The following TECPR2 variants were observed in gnomAD, a reference collection of about 807,000 sequenced individuals.
TECPR2 encodes tectonin beta-propeller repeat containing 2.
A neutral mutation model predicts 138.1 loss-of-function variants in TECPR2; 65 were observed. The ratio of observed to expected loss-of-function variants is 0.47; its 90% CI spans 0.39 to 0.58. The LOEUF is 0.58. Ranked by LOEUF, TECPR2 falls within the 20% of genes least tolerant of loss-of-function variation. The probability of loss-of-function intolerance (pLI) is 0.00; values close to 1 mark genes in which losing one functional copy is unlikely to be tolerated. For missense variants in TECPR2, 1,553 were observed against 1,824.5 expected, an observed-to-expected ratio of 0.85 and a Z score of 2.71; for synonymous variants, 746 against 749.8, an observed-to-expected ratio of 0.99 and a Z score of 0.08.
At chr14:102,403,650 T>C (rs1888559702) in intron 2 of TECPR2, among the ~76,000 whole-genome samples, 1 of 152,176 alleles carries the variant, frequency 6.6e-6, no homozygotes, top group Non-Finnish European at 1.5e-5. Flanking sequence ...AAAAATTGTT[T>C]GAACTAATAC....
rs570309067 is a variant in TECPR2, at chr14:102,502,292, C to G, written c.*4035C>G. 2.6e-5 allele frequency: 4 copies of G among 152,704 alleles called. No homozygotes were observed. In the East Asian group the frequency reaches 7.7e-4, roughly 29 times the overall value. 9.5% of individuals were successfully genotyped at this position (152,704 alleles called of 1,614,324 possible). A position where few individuals can be genotyped will look rare whatever the true frequency, so the allele number is the denominator to read the frequency against. On this transcript the variant is annotated 3_prime_UTR_variant, in exon 20 of 20. Transcript: ENST00000359520. ...TTTGTTGTAAACTTCAAACTTTTGG[C>G]AGGTTTGAAATTTTTCATAACTCCG...
rs1003899778 is a variant in TECPR2 at position 102,487,097 on chromosome 14, G to A, written c.3790-9882G>A. Among the ~76,000 whole-genome samples, 4 of 152,134 alleles carry A rather than the reference G, an allele frequency of 2.6e-5. No individual in the cohort carries two copies. In the East Asian group the frequency reaches 5.8e-4, roughly 22 times the overall value. Reference sequence around the variant, plus strand: ...AAGCTCAGCATGTGTCAGTCTTTACGGGGATTCAAGGTTAAAACAGGGAGG... The same window carrying A: ...AAGCTCAGCATGTGTCAGTCTTTACAGGGATTCAAGGTTAAAACAGGGAGG... On this transcript the variant is annotated intron_variant, in intron 17 of 19. Coordinates refer to ENST00000359520, the MANE Select transcript of TECPR2 (RefSeq NM_014844.5).
chr14:102,383,260 T>C (rs1169383404), intron 2 of TECPR2, among the ~76,000 whole-genome samples: 1 of 152,062 alleles, frequency 6.6e-6, no homozygotes, highest in African/African-American at 2.4e-5. Context: ...GCTCCTTGGG[T>C]TTTAATTCAC....
chr14:102,440,683 A>G, intron 11 of TECPR2, 74 bp downstream of exon 11: 1 of 1,521,418 alleles, frequency 6.6e-7, no homozygotes, highest in Non-Finnish European at 8.9e-7. Context: ...TTTGCTAGTA[A>G]CATGCTTACC....
At position 102,452,568 on chromosome 14, in the gene TECPR2, C is replaced by A. The variant is rs773753994; in HGVS notation, c.3581C>A (p.Thr1194Lys). The A allele has an allele frequency of 5.0e-6, 8 of 1,609,952 alleles. No homozygotes were observed. The highest frequency in any genetic ancestry group is 5.9e-6 in the Non-Finnish European group (7 of 1,178,702). Residue 1194 changes from threonine to lysine, a missense_variant, in exon 16 of 20, where the codon ACG (threonine) becomes AAG (lysine). Thr to Lys is a moderately conservative substitution (Grantham distance 78, BLOSUM62 -1). Coordinates refer to ENST00000359520, the MANE Select transcript of TECPR2 (RefSeq NM_014844.5). ...AGCCTCGGCCAGGTGTTCATCAGGA[C>A]GCTCTCCAAGAGCTGCCCCACGGGC... The part of the protein sequence containing the change: ...LDSLGQVFIR[T>K]LSKSCPTGMH...
chr14:102,388,567 G>A (rs1209483279), intron 2 of TECPR2, among the ~76,000 whole-genome samples: 3 of 151,996 alleles, frequency 2.0e-5, no homozygotes, highest in Non-Finnish European at 2.9e-5. Context: ...AGTGGCTCAC[G>A]CCTGTTAACC....
chr14:102,485,256 C>T (rs1184807403), intron 17 of TECPR2, among the ~76,000 whole-genome samples: 1 of 152,172 alleles, frequency 6.6e-6, no homozygotes, highest in East Asian at 1.9e-4. Flanking sequence ...TAAGTTGTTC[C>T]GTCAGCACAA....
Position 102,408,578 on chromosome 14 carries a change from G to A in TECPR2, c.439G>A (p.Asp147Asn). 1 of 1,613,356 alleles carries A rather than the reference G, an allele frequency of 6.2e-7. No individual in the cohort carries two copies. The highest frequency in any genetic ancestry group is 8.5e-7 in the Non-Finnish European group (1 of 1,179,838). ...TGGAATGAAATTGTTCTCTGGAGAT[G>A]ACAAAGGCAAAATTGTTTATTCTTC... ...PNGMKLFSGD[D>N]KGKIVYSSLD... The change falls in exon 4 of 20, where the codon GAC (aspartate) becomes AAC (asparagine). Residue 147 changes from aspartate (D) to asparagine (N), a missense_variant. Coordinates refer to ENST00000359520, the MANE Select transcript of TECPR2 (RefSeq NM_014844.5).
At chr14:102,491,993 C>A (rs778862652) in intron 17 of TECPR2, among the ~76,000 whole-genome samples, 1 of 152,170 alleles carries the variant, frequency 6.6e-6, no homozygotes, top group African/African-American at 2.4e-5. Context: ...GCCACATGAG[C>A]CCTGCCAGTG....
intron 2 of TECPR2, among the ~76,000 whole-genome samples, chr14:102,385,923 G>A (rs565469706): frequency 6.6e-6 from 1 of 150,760 alleles, no homozygotes; most frequent in South Asian, 2.1e-4. Context: ...GCATCAAAGT[G>A]AGACCCTGCC....
chr14:102,376,666 G>C lies in TECPR2; in HGVS notation c.-56G>C, dbSNP rs550523556. Reference sequence around the variant, plus strand: ...GTTCTGTAGCCCCCAGGTTTCCCTAGATGACAAATAAACATTCCTTTTCCT... The same window carrying C: ...GTTCTGTAGCCCCCAGGTTTCCCTACATGACAAATAAACATTCCTTTTCCT... On this transcript the variant is annotated 5_prime_UTR_variant, in exon 2 of 20. Transcript: ENST00000359520. 6.6e-5 allele frequency: 101 copies of C among 1,530,738 alleles called. No homozygotes were observed. In the African/African-American group the frequency reaches 1.3e-3, roughly 19 times the overall value. The allele number at this position is 1,530,738 out of a possible 1,614,324, so 94.8% of individuals were successfully genotyped here.
Position 102,376,701 on chromosome 14 carries a change from T to C in TECPR2, c.-21T>C, listed in dbSNP as rs752839973. 2.5e-6 allele frequency: 4 copies of C among 1,609,120 alleles called. No individual in the cohort carries two copies. The highest frequency in any genetic ancestry group is 3.4e-6 in the Non-Finnish European group (4 of 1,175,460). ...AAACATTCCTTTTCCTGCGTGAAGA[T>C]AGTCTGTGGAAACCTTGGCCATGGC... On this transcript the variant is annotated 5_prime_UTR_variant, in exon 2 of 20. Transcript: ENST00000359520.
chr14:102,395,494 G>A (rs1216427301), intron 2 of TECPR2, among the ~76,000 whole-genome samples: 1 of 152,152 alleles, frequency 6.6e-6, no homozygotes, highest in African/African-American at 2.4e-5. Flanking sequence ...TTATACATGT[G>A]CTTTTTAATA....
chr14:102,446,287 T>C (rs573604797), intron 13 of TECPR2, among the ~76,000 whole-genome samples: 1 of 152,054 alleles, frequency 6.6e-6, no homozygotes, highest in East Asian at 1.9e-4. Context: ...CAGGCTGGTC[T>C]CAAACTCCTG....
rs777015327 is a variant in TECPR2 at position 102,434,736 on chromosome 14, G to A, written c.1919G>A (p.Cys640Tyr). 3.1e-6 allele frequency: 5 copies of A among 1,613,670 alleles called. No individual in the cohort carries two copies. Among genetic ancestry groups the A allele is most frequent in the Middle Eastern group, 1.6e-4 (1 of 6,062 alleles). The change falls in exon 9 of 20, where the codon TGT (cysteine) becomes TAT (tyrosine). Residue 640 changes from cysteine to tyrosine, a missense_variant. Cys to Tyr is a radical substitution (Grantham distance 194). Transcript: ENST00000359520. ...CCCATTGGCCCCCAAAGCACTTTTT[G>A]TGAAGTCCCCCTCCTGAACTCACTC... ...IQPIGPQSTF[C>Y]EVPLLNSLTV... is the part of the protein sequence containing the mutation.
rs560333451 is a variant in TECPR2 at position 102,383,009 on chromosome 14, C to T, written c.219+6069C>T. Among the ~76,000 whole-genome samples the T allele has an allele frequency of 2.6e-5, 4 of 152,298 alleles. No individual in the cohort carries two copies. In the East Asian group the frequency reaches 5.8e-4, roughly 22 times the overall value. ...CAGACTTCAGGTGATCCATCCACCTCGGCCTCCCAAAGTGCTGGGATGACA... is the reference window on the plus strand; with the variant it reads ...CAGACTTCAGGTGATCCATCCACCTTGGCCTCCCAAAGTGCTGGGATGACA... On this transcript the variant is annotated intron_variant, in intron 2 of 19. Coordinates refer to ENST00000359520, the MANE Select transcript of TECPR2 (RefSeq NM_014844.5).
chr14:102,415,043 G>T lies in TECPR2; in HGVS notation c.638+250G>T, dbSNP rs563471204. Among the ~76,000 whole-genome samples, 2 of 152,256 alleles carry T rather than the reference G, an allele frequency of 1.3e-5. No homozygotes were observed. The highest frequency in any genetic ancestry group is 4.8e-5 in the African/African-American group (2 of 41,538). On this transcript the variant is annotated intron_variant, in intron 5 of 19. Coordinates refer to ENST00000359520, the MANE Select transcript of TECPR2 (RefSeq NM_014844.5). The surrounding 1 kb of genome is among the most constrained non-coding windows in gnomAD (Gnocchi z 4.3). Reference sequence around the variant, plus strand: ...CACACACAGCCACTCTGCCTCTCAGGGTGCCACAGTCAGCGCAGAGAAGCC... The same window carrying T: ...CACACACAGCCACTCTGCCTCTCAGTGTGCCACAGTCAGCGCAGAGAAGCC...
rs913353597 is a variant in TECPR2 at position 102,499,488 on chromosome 14, C to G, written c.*1231C>G. 3.0e-5 allele frequency: 15 copies of G among 500,578 alleles called. No homozygotes were observed. Among genetic ancestry groups the G allele is most frequent in the Non-Finnish European group, 5.4e-5 (15 of 277,268 alleles). The allele number at this position is 500,578 out of a possible 1,614,324, so 31.0% of individuals were successfully genotyped here. On this transcript the variant is annotated 3_prime_UTR_variant, in exon 20 of 20. Transcript: ENST00000359520. ...GCAGCCTCAGAGGGGCAGGCATCCCCGCACAGACTTGACTGGCAGGGCGGT... is the reference window on the plus strand; with the variant it reads ...GCAGCCTCAGAGGGGCAGGCATCCCGGCACAGACTTGACTGGCAGGGCGGT...
intron 2 of TECPR2, among the ~76,000 whole-genome samples, chr14:102,394,852 C>G (rs780704277): frequency 1.3e-5 from 2 of 152,170 alleles, no homozygotes; most frequent in African/African-American, 4.8e-5. Context: ...GCCCTCATGC[C>G]TGTTCTGTTT....
Sources: gnomAD v4.1 joint callset for allele counts (sites outside exome capture counted in the v4.1 genomes callset) on GRCh38, gnomAD v4.1.1 for gene constraint, Gnocchi (gnomAD v3.1) non-coding constraint, MANE v1.5 for transcripts, NCBI Gene and HGNC (gene_info 2026-07-23, HGNC 2026-07-21) for gene names.